The following LRMDA variants were observed in gnomAD, a reference collection of about 807,000 sequenced individuals.
LRMDA encodes leucine rich melanocyte differentiation associated.
In LRMDA, 18 loss-of-function variants were observed where a neutral mutation model predicts 29.8. The observed-to-expected ratio is 0.60, with a 90% CI of 0.42 to 0.90. The LOEUF is 0.90. Ranked by LOEUF, LRMDA falls within the 40% of genes least tolerant of loss-of-function variation. The pLI is 0.00. For missense variants in LRMDA, 273 were observed against 273.9 expected (o/e 1.00, Z 0.02); for synonymous variants, 125 against 109.4 (o/e 1.14, Z -0.89).
At chr10:75,686,060 T>C (rs1255213106) in intron 2 of LRMDA, among the ~76,000 whole-genome samples, 1 of 151,330 alleles carries the variant, frequency 6.6e-6, no homozygotes, top group Non-Finnish European at 1.5e-5. Flanking sequence ...AGTGGGAGAG[T>C]TGGGATTTGA....
intron 6 of LRMDA, among the ~76,000 whole-genome samples, chr10:76,554,098 C>A (rs994991735): frequency 5.9e-5 from 9 of 152,176 alleles, no homozygotes; most frequent in Admixed American, 2.6e-4. Context: ...TCCAGCAGAA[C>A]AGAACTGCCA....
intron 2 of LRMDA, among the ~76,000 whole-genome samples, chr10:75,519,678 A>T (rs543739502): frequency 1.2e-4 from 18 of 152,230 alleles, no homozygotes; most frequent in Non-Finnish European, 2.5e-4. Flanking sequence ...TAGCCCATTT[A>T]CATTTAAGGT....
intron 6 of LRMDA, among the ~76,000 whole-genome samples, chr10:76,526,835 G>C (rs1342088473): frequency 1.0e-5 from 1 of 99,302 alleles, no homozygotes; most frequent in Non-Finnish European, 1.9e-5. Context: ...CTGTTGTGGG[G>C]TGGGGGGAGG....
At chr10:76,189,046 G>C (rs12260563) in intron 5 of LRMDA, among the ~76,000 whole-genome samples, 27,808 of 151,890 alleles carry the variant, frequency 0.18, 5,110 homozygotes, top group African/African-American at 0.47. Context: ...TGAAAAAATA[G>C]GTATACATTG....
intron 2 of LRMDA, among the ~76,000 whole-genome samples, chr10:75,898,536 G>C: frequency 6.6e-6 from 1 of 152,078 alleles, no homozygotes; most frequent in East Asian, 1.9e-4. Context: ...TGCTTTGCCT[G>C]CCGGGAAAGC....
chr10:75,626,365 G>A (rs923086089), intron 2 of LRMDA, among the ~76,000 whole-genome samples: 1 of 152,092 alleles, frequency 6.6e-6, no homozygotes, highest in South Asian at 2.1e-4. Context: ...GTGGTTTTTT[G>A]TGCTGGTCAG....
chr10:75,834,163 T>C (rs186550533), intron 2 of LRMDA, among the ~76,000 whole-genome samples: 63 of 152,328 alleles, frequency 4.1e-4, no homozygotes, highest in African/African-American at 1.4e-3. Flanking sequence ...GTATTTCTGC[T>C]AGTATAACAT....
At chr10:75,491,479 T>G (rs1450717855) in intron 2 of LRMDA, among the ~76,000 whole-genome samples, 1 of 152,188 alleles carries the variant, frequency 6.6e-6, no homozygotes, top group Non-Finnish European at 1.5e-5. Context: ...CTTGGCCCTT[T>G]GTTATGTATT....
chr10:76,512,240 CAA>C (rs1843015659), intron 6 of LRMDA, among the ~76,000 whole-genome samples: 1 of 152,162 alleles, frequency 6.6e-6, no homozygotes, highest in South Asian at 2.1e-4. Flanking sequence ...ACTGTAAGTC[CAA>C]TTAAACCTCT....
At chr10:75,472,837 G>A (rs555486213) in intron 2 of LRMDA, among the ~76,000 whole-genome samples, 1 of 152,352 alleles carries the variant, frequency 6.6e-6, no homozygotes, top group East Asian at 1.9e-4. Flanking sequence ...CTTTGTCTTT[G>A]TTCTTCAGTT....
intron 6 of LRMDA, among the ~76,000 whole-genome samples, chr10:76,363,834 T>C (rs573783715): frequency 7.9e-5 from 12 of 152,194 alleles, no homozygotes; most frequent in Non-Finnish European, 1.5e-4. Flanking sequence ...TGTTCTGTTA[T>C]ATATAAAATG....
chr10:76,237,512 T>G (rs1383093196), intron 5 of LRMDA, among the ~76,000 whole-genome samples: 1 of 152,196 alleles, frequency 6.6e-6, no homozygotes, highest in African/African-American at 2.4e-5. Context: ...CTTAAAATAC[T>G]GTATGTTGAT....
chr10:75,875,939 G>A (rs547235955), intron 2 of LRMDA, among the ~76,000 whole-genome samples: 194 of 152,270 alleles, frequency 1.3e-3, no homozygotes, highest in African/African-American at 4.4e-3. Flanking sequence ...AGGATATGAG[G>A]CCTGATTGGA....
chr10:75,805,405 G>C (rs1843834243), intron 2 of LRMDA, among the ~76,000 whole-genome samples: 1 of 152,198 alleles, frequency 6.6e-6, no homozygotes, highest in South Asian at 2.1e-4. Context: ...AACCTTGGAG[G>C]TTAGAATATG....
At chr10:75,733,413 A>G (rs1487583583) in intron 2 of LRMDA, among the ~76,000 whole-genome samples, 1 of 152,200 alleles carries the variant, frequency 6.6e-6, no homozygotes, top group Non-Finnish European at 1.5e-5. Context: ...CCACTGTCAT[A>G]TTTGTCATGC....
At chr10:75,872,113 C>T (rs78791373) in intron 2 of LRMDA, among the ~76,000 whole-genome samples, 3,897 of 152,216 alleles carry the variant, frequency 0.026, 157 homozygotes, top group African/African-American at 0.086. Flanking sequence ...TGTTTTTTTA[C>T]GTGTCTTAAC....
intron 4 of LRMDA, among the ~76,000 whole-genome samples, chr10:76,056,411 C>T (rs1160569020): frequency 2.0e-5 from 3 of 152,296 alleles, no homozygotes; most frequent in East Asian, 3.9e-4. Context: ...GGGGTTTCAC[C>T]GGGGACACAC....
intron 6 of LRMDA, chr10:76,556,418 C>G (rs1293627500): frequency 1.3e-5 from 2 of 152,100 alleles, no homozygotes; most frequent in Non-Finnish European, 2.9e-5. Flanking sequence ...CTGGCGCGAT[C>G]TCGGCTCACT....
At chr10:76,514,752 T>G (rs1475538945) in intron 6 of LRMDA, among the ~76,000 whole-genome samples, 2 of 152,034 alleles carry the variant, frequency 1.3e-5, no homozygotes, top group African/African-American at 4.8e-5. Context: ...TGGTCAAATA[T>G]CAAAACTGGA....
Sources: gnomAD v4.1 joint callset for allele counts (sites outside exome capture counted in the v4.1 genomes callset) on GRCh38, gnomAD v4.1.1 for gene constraint, MANE v1.5 for transcripts, NCBI Gene and HGNC (gene_info 2026-07-23, HGNC 2026-07-21) for gene names.